The following OSBPL11 variants were observed in gnomAD, a reference collection of about 807,000 sequenced individuals.
OSBPL11 encodes the protein oxysterol-binding protein-related protein 11.
A neutral mutation model predicts 84.4 loss-of-function variants in OSBPL11; 33 were observed. The ratio of observed to expected loss-of-function variants is 0.39; its 90% CI spans 0.30 to 0.52. The LOEUF (loss-of-function observed/expected upper bound fraction) is 0.52. Among genes scored for constraint, OSBPL11 ranks in the 20% least tolerant of loss-of-function variants. The pLI is 0.72. For synonymous variants in OSBPL11, 276 were observed against 310.2 expected (o/e 0.89, Z 1.16); for missense variants, 736 against 901.1 (o/e 0.82, Z 2.35).
chr3:125,591,294 C>G (rs1310421016), intron 1 of OSBPL11, among the ~76,000 whole-genome samples: 4 of 152,226 alleles, frequency 2.6e-5, no homozygotes, highest in Non-Finnish European at 4.4e-5. Flanking sequence ...TAATCCCCAC[C>G]TGCTGGTATT....
At chr3:125,547,380 C>G (rs1181524045) in intron 10 of OSBPL11, 26 bp downstream of exon 10, 12 of 1,587,542 alleles carry the variant, frequency 7.6e-6, no homozygotes, top group Non-Finnish European at 1.0e-5. Context: ...AGAATAAGAA[C>G]TAGATAATCA....
intron 10 of OSBPL11, among the ~76,000 whole-genome samples, chr3:125,539,082 C>T (rs901594636): frequency 2.0e-5 from 3 of 151,244 alleles, no homozygotes; most frequent in African/African-American, 4.9e-5. Flanking sequence ...ACATCAATCC[C>T]GTACTAAACC....
chr3:125,589,542 T>C (rs917938357), intron 1 of OSBPL11, among the ~76,000 whole-genome samples: 5 of 151,204 alleles, frequency 3.3e-5, no homozygotes, highest in African/African-American at 9.7e-5. Flanking sequence ...CCAGCATCTA[T>C]AGCAGATGTC....
rs34098923 is a variant in OSBPL11, at chr3:125,593,619, C to CAA, written c.164+1016_164+1017dup. On this transcript the variant is annotated intron_variant, in intron 1 of 12. Transcript: ENST00000296220. ...TGGGTGACAGAGCCAGACTCTGCCT[C>CAA]AAAAAAAAAAAAAAAATTATAATCT... Among the ~76,000 whole-genome samples the CAA allele has an allele frequency of 6.9e-4, 76 of 109,960 alleles. No homozygotes were observed. In the East Asian group the frequency reaches 0.017, roughly 24 times the overall value. 72.1% of individuals were successfully genotyped at this position (109,960 alleles called of 152,430 possible).
intron 1 of OSBPL11, among the ~76,000 whole-genome samples, chr3:125,589,957 C>T (rs1033856782): frequency 1.3e-5 from 2 of 152,162 alleles, no homozygotes; most frequent in African/African-American, 4.8e-5. Context: ...CATCAAACAC[C>T]CTGGTTTGTC....
At chr3:125,571,847 G>A (rs779933335) in intron 5 of OSBPL11, among the ~76,000 whole-genome samples, 1 of 152,260 alleles carries the variant, frequency 6.6e-6, no homozygotes, top group Non-Finnish European at 1.5e-5. Context: ...CAGTGTGGAG[G>A]GGAAATGTGA....
At chr3:125,560,568 A>G in intron 7 of OSBPL11, 49 bp from the exon 8 acceptor site, 1 of 1,424,034 alleles carries the variant, frequency 7.0e-7, no homozygotes, top group South Asian at 1.7e-5. Context: ...ACCTATTCAT[A>G]TCCATTGAGA....
chr3:125,585,491 T>C (rs914494400), intron 1 of OSBPL11, among the ~76,000 whole-genome samples: 4 of 151,804 alleles, frequency 2.6e-5, no homozygotes, highest in Non-Finnish European at 4.4e-5. Context: ...TTTTCTAATG[T>C]TATTAATATT....
intron 1 of OSBPL11, among the ~76,000 whole-genome samples, chr3:125,586,854 T>C (rs988544161): frequency 1.3e-5 from 2 of 152,204 alleles, no homozygotes; most frequent in Non-Finnish European, 2.9e-5. Context: ...AGACTTAAGA[T>C]AGATAAAAGT....
intron 1 of OSBPL11, among the ~76,000 whole-genome samples, chr3:125,584,829 C>T (rs778302949): frequency 9.2e-5 from 14 of 152,122 alleles, no homozygotes; most frequent in Non-Finnish European, 1.9e-4. Flanking sequence ...GAAGGTACTC[C>T]CCATTTTGGT....
At chr3:125,564,989 T>C (rs1936133792) in intron 6 of OSBPL11, among the ~76,000 whole-genome samples, 1 of 152,188 alleles carries the variant, frequency 6.6e-6, no homozygotes. Context: ...AATCAAGTAT[T>C]TATTGAGCAT....
chr3:125,580,514 CAAAAAAA>C (rs56041212), intron 2 of OSBPL11, among the ~76,000 whole-genome samples: 101 of 64,986 alleles, frequency 1.6e-3, no homozygotes, highest in Admixed American at 4.1e-3. Context: ...AACTCCGTCT[CAAAAAAA>C]AAAAAAAAAA....
At position 125,539,339 on chromosome 3, in the gene OSBPL11, ATATAT is replaced by A. The variant is rs1161536545; in HGVS notation, c.1842-711_1842-707del. On this transcript the variant is annotated intron_variant, in intron 10 of 12. Coordinates refer to ENST00000296220, the MANE Select transcript of OSBPL11 (RefSeq NM_022776.5). ...TATATATATATATATATATATATAT[ATATAT>A]AATAGCTATATATATGGCTGTTTAT... Among the ~76,000 whole-genome samples the A allele has an allele frequency of 5.4e-4, 67 of 124,678 alleles. 2 individuals carry two copies. The highest frequency in any genetic ancestry group is 1.0e-3 in the Admixed American group (13 of 12,534). 81.8% of individuals were successfully genotyped at this position (124,678 alleles called of 152,430 possible). A position where few individuals can be genotyped will look rare whatever the true frequency, so the allele number is the denominator to read the frequency against.
At chr3:125,578,509 C>T (rs1936367159) in intron 4 of OSBPL11, among the ~76,000 whole-genome samples, 1 of 152,016 alleles carries the variant, frequency 6.6e-6, no homozygotes, top group South Asian at 2.1e-4. Context: ...TTTGGGAAGC[C>T]AAGGTGGGCG....
chr3:125,593,619 CAAA>C (rs34098923), intron 1 of OSBPL11, among the ~76,000 whole-genome samples: 2 of 109,906 alleles, frequency 1.8e-5, no homozygotes, highest in Admixed American at 9.3e-5. Flanking sequence ...GACTCTGCCT[CAAA>C]AAAAAAAAAA....
chr3:125,547,303 C>A, intron 10 of OSBPL11, 103 bp downstream of exon 10: 3 of 954,312 alleles, frequency 3.1e-6, no homozygotes, highest in Non-Finnish European at 4.5e-6. Context: ...AACATTAATA[C>A]AAATCCAACT....
At chr3:125,569,733 TG>T (rs1413587109) in intron 5 of OSBPL11, among the ~76,000 whole-genome samples, 2 of 152,206 alleles carry the variant, frequency 1.3e-5, no homozygotes, top group African/African-American at 4.8e-5. Flanking sequence ...CAGTGAATAT[TG>T]TACAGCAATG....
intron 5 of OSBPL11, among the ~76,000 whole-genome samples, chr3:125,569,392 A>C (rs1349803556): frequency 6.6e-6 from 1 of 152,220 alleles, no homozygotes; most frequent in Non-Finnish European, 1.5e-5. Context: ...ATCCCAGAAA[A>C]AAAGGTTTCA....
chr3:125,587,561 C>T (rs1387373276), intron 1 of OSBPL11, among the ~76,000 whole-genome samples: 2 of 152,114 alleles, frequency 1.3e-5, no homozygotes, highest in Non-Finnish European at 2.9e-5. Flanking sequence ...AAGGGGAATA[C>T]AGAGAAGAAA....
Sources: allele counts gnomAD v4.1 joint callset (sites outside exome capture counted in the v4.1 genomes callset), GRCh38; gene constraint gnomAD v4.1.1; transcripts MANE v1.5; gene names NCBI Gene and HGNC (gene_info 2026-07-23, HGNC 2026-07-21).